CPNE4: variants seen among roughly 807,000 people sequenced by gnomAD.
CPNE4 encodes copine 4.
CPNE4 carries 25 observed loss-of-function variants against 67.9 expected under a neutral mutation model. The ratio of observed to expected loss-of-function variants is 0.37; its 90% CI spans 0.27 to 0.51. The LOEUF is 0.51. CPNE4 is among the 20% of genes least tolerant of loss of function. CPNE4 has a pLI of 0.93. For synonymous variants in CPNE4, 242 were observed against 244.9 expected (o/e 0.99, Z 0.11); for missense variants, 464 against 690.8 (o/e 0.67, Z 3.68).
At chr3:131,986,843 C>CAAAAAAAAA (rs373656375) in intron 1 of CPNE4, among the ~76,000 whole-genome samples, 1 of 92,100 alleles carries the variant, frequency 1.1e-5, no homozygotes, top group Non-Finnish European at 2.3e-5. Flanking sequence ...AAAAAAAAAA[C>CAAAAAAAAA]AAAAAAAAAC....
In CPNE4 at chr3:131,535,286, G is replaced by A. The variant is rs772123965; in HGVS notation, c.1583C>T (p.Pro528Leu). The part of the protein sequence containing the change: ...ALAKSVLAEV[P>L]NQVVDYYNGK... ...ATTGTAATAGTCCACAACTTGGTTT[G>A]GGACTTCAGCCAGCACGCTCTTTGC... Residue 528 changes from proline to leucine, a missense_variant, in exon 16 of 16, where the codon CCA becomes CTA. By Grantham distance (98) the Pro-to-Leu change is moderately conservative. Transcript: ENST00000429747. 1 of 1,613,744 alleles carries A rather than the reference G, an allele frequency of 6.2e-7. No homozygotes were observed. The highest frequency in any genetic ancestry group is 8.5e-7 in the Non-Finnish European group (1 of 1,179,952).
At chr3:131,693,746 C>T (rs1006722223) in intron 5 of CPNE4, among the ~76,000 whole-genome samples, 52 of 152,244 alleles carry the variant, frequency 3.4e-4, no homozygotes, top group Admixed American at 2.2e-3. Context: ...TCTTACCTCC[C>T]CTCTTACCTC....
intron 1 of CPNE4, among the ~76,000 whole-genome samples, chr3:132,019,853 A>C (rs2073956223): frequency 6.6e-6 from 1 of 152,150 alleles, no homozygotes; most frequent in African/African-American, 2.4e-5. Flanking sequence ...GACCAGATAA[A>C]GTCTATTTAT....
At chr3:131,690,562 T>G (rs1335687838) in intron 5 of CPNE4, among the ~76,000 whole-genome samples, 3 of 152,170 alleles carry the variant, frequency 2.0e-5, no homozygotes, top group Admixed American at 1.3e-4. Flanking sequence ...AAACTTTAAA[T>G]GTAAGACCTC....
intron 2 of CPNE4, among the ~76,000 whole-genome samples, chr3:131,862,294 T>C (rs555325569): frequency 9.2e-5 from 14 of 152,328 alleles, no homozygotes; most frequent in African/African-American, 2.9e-4. Flanking sequence ...TCAGTCATCT[T>C]GACTCCACCT....
intron 7 of CPNE4, among the ~76,000 whole-genome samples, chr3:131,607,290 G>A (rs1274297289): frequency 1.3e-5 from 2 of 151,380 alleles, no homozygotes; most frequent in East Asian, 3.9e-4. Flanking sequence ...CAGGGCCACT[G>A]ACCTATCCCA....
chr3:131,836,156 G>A (rs2085549787), intron 2 of CPNE4, among the ~76,000 whole-genome samples: 1 of 152,062 alleles, frequency 6.6e-6, no homozygotes, highest in Non-Finnish European at 1.5e-5. Context: ...CATTTTTAAA[G>A]GCTTTAAAAA....
At chr3:131,657,492 A>C (rs1400514610) in intron 7 of CPNE4, among the ~76,000 whole-genome samples, 1 of 151,760 alleles carries the variant, frequency 6.6e-6, no homozygotes, top group East Asian at 1.9e-4. Flanking sequence ...GGAGTCAGAG[A>C]TCAGCTTTAA....
At chr3:131,550,925 G>T (rs578112644) in intron 13 of CPNE4, among the ~76,000 whole-genome samples, 2 of 152,150 alleles carry the variant, frequency 1.3e-5, no homozygotes, top group Admixed American at 1.3e-4. Flanking sequence ...GATACATCTT[G>T]ACTGTACATT....
chr3:131,632,201 G>T (rs2079246309), intron 7 of CPNE4, among the ~76,000 whole-genome samples: 1 of 151,850 alleles, frequency 6.6e-6, no homozygotes, highest in Non-Finnish European at 1.5e-5. Flanking sequence ...GTAGAGTCGG[G>T]GTTTCACCAT....
intron 2 of CPNE4, among the ~76,000 whole-genome samples, chr3:131,744,967 G>T (rs1336827018): frequency 1.3e-5 from 2 of 152,160 alleles, no homozygotes; most frequent in African/African-American, 4.8e-5. Flanking sequence ...CAATTGCTGA[G>T]TCGTATGGTA....
chr3:131,561,337 CTG>C (rs56788885), intron 11 of CPNE4, among the ~76,000 whole-genome samples: 34 of 148,008 alleles, frequency 2.3e-4, no homozygotes, highest in African/African-American at 4.5e-4. Context: ...TTGTGTGGGC[CTG>C]TGTGTGTGTG....
At chr3:132,001,787 G>T (rs1006398937) in intron 1 of CPNE4, among the ~76,000 whole-genome samples, 4 of 151,990 alleles carry the variant, frequency 2.6e-5, no homozygotes, top group Non-Finnish European at 5.9e-5. Flanking sequence ...AGACTAAAGG[G>T]CTGAATTAAG....
chr3:131,999,240 G>GAAAAAAAAAAAAA (rs2073366807), intron 1 of CPNE4, among the ~76,000 whole-genome samples: 2 of 10,354 alleles, frequency 1.9e-4, no homozygotes, highest in African/African-American at 4.8e-4. Flanking sequence ...TTTATCCAAG[G>GAAAAAAAAAAAAA]TAAAAAAAAA....
chr3:131,535,351 C>A, intron 15 of CPNE4, 22 bp from the exon 16 acceptor site: 1 of 1,602,366 alleles, frequency 6.2e-7, no homozygotes, highest in South Asian at 1.1e-5. Context: ...AAGAAATCAT[C>A]ATGACGTTGG....
At chr3:131,981,444 T>G (rs1033782627) in intron 1 of CPNE4, among the ~76,000 whole-genome samples, 6 of 151,974 alleles carry the variant, frequency 3.9e-5, no homozygotes, top group Non-Finnish European at 7.4e-5. Flanking sequence ...CCGCCTCTTC[T>G]GAGTCACGCA....
chr3:131,647,203 C>T (rs1040690462), intron 7 of CPNE4, among the ~76,000 whole-genome samples: 6 of 152,232 alleles, frequency 3.9e-5, no homozygotes, highest in African/African-American at 1.4e-4. Context: ...CCAACTGAAG[C>T]TTCCTGATTG....
intron 1 of CPNE4, among the ~76,000 whole-genome samples, chr3:131,922,867 G>A (rs181265482): frequency 1.6e-3 from 243 of 152,244 alleles, no homozygotes; most frequent in Non-Finnish European, 2.7e-3. Context: ...CTGTCCTGTG[G>A]TCTAGAATAT....
intron 10 of CPNE4, among the ~76,000 whole-genome samples, chr3:131,567,593 T>C (rs1365718487): frequency 6.6e-6 from 1 of 151,970 alleles, no homozygotes; most frequent in African/African-American, 2.4e-5. Context: ...GACCCTACTA[T>C]GTCATTTTCA....
Sources: gnomAD v4.1 joint callset for allele counts (sites outside exome capture counted in the v4.1 genomes callset) on GRCh38, gnomAD v4.1.1 for gene constraint, MANE v1.5 for transcripts, NCBI Gene and HGNC (gene_info 2026-07-23, HGNC 2026-07-21) for gene names.